EXOSC10: variants seen among roughly 807,000 people sequenced by gnomAD.
EXOSC10 encodes exosome complex component 10.
EXOSC10 carries 94 observed loss-of-function variants against 126.6 expected under a neutral mutation model. That is an observed-to-expected ratio of 0.74 (90% CI 0.63 to 0.88). EXOSC10 has a LOEUF of 0.88. Among genes scored for constraint, EXOSC10 ranks in the 40% least tolerant of loss-of-function variants. The probability of loss-of-function intolerance (pLI) is 0.00; values close to 1 mark genes in which losing one functional copy is unlikely to be tolerated. For synonymous variants in EXOSC10, 395 were observed against 400.8 expected, an observed-to-expected ratio of 0.99 and a Z score of 0.17; for missense variants, 1,041 against 1,100.5, an observed-to-expected ratio of 0.95 and a Z score of 0.77.
intron 1 of EXOSC10, 77 bp from the exon 2 acceptor site, chr1:11,098,233 G>A (rs1484408016): frequency 1.6e-5 from 23 of 1,475,298 alleles, no homozygotes; most frequent in Admixed American, 1.4e-4. Flanking sequence ...TTGATCTATC[G>A]TATACAAGGT....
intron 17 of EXOSC10, among the ~76,000 whole-genome samples, chr1:11,076,589 C>T (rs191575932): frequency 6.6e-5 from 10 of 152,300 alleles, no homozygotes; most frequent in Non-Finnish European, 1.5e-4. Context: ...AACAACAGGA[C>T]GTCAGCCTTT....
chr1:11,086,672 A>G (rs1196680613), intron 9 of EXOSC10, among the ~76,000 whole-genome samples: 1 of 152,184 alleles, frequency 6.6e-6, no homozygotes, highest in African/African-American at 2.4e-5. Flanking sequence ...AACTCACTCA[A>G]AACCGCTCAA....
At position 11,072,071 on chromosome 1, in the gene EXOSC10, AG is replaced by A. The variant is rs757117795; in HGVS notation, c.2242+15del. ...TTCTTTAACAGCCGACTGAGTTGCA[AG>A]GAAGTGAGTGTTACCTGTTTGCTCA... On this transcript the variant is annotated intron_variant, in intron 20 of 24. Coordinates refer to ENST00000376936, the MANE Select transcript of EXOSC10 (RefSeq NM_001001998.3). 2.5e-6 allele frequency: 4 copies of A among 1,602,838 alleles called. No individual in the cohort carries two copies. The highest frequency in any genetic ancestry group is 3.4e-6 in the Non-Finnish European group (4 of 1,173,262).
At chr1:11,091,383 G>C in intron 4 of EXOSC10, 110 bp downstream of exon 4, 1 of 1,028,724 alleles carries the variant, frequency 9.7e-7, no homozygotes, top group Non-Finnish European at 1.4e-6. Context: ...AACTAAAGGA[G>C]ACAGTGGCCA....
intron 3 of EXOSC10, among the ~76,000 whole-genome samples, chr1:11,093,402 C>T (rs2100229235): frequency 6.6e-6 from 1 of 152,276 alleles, no homozygotes; most frequent in Admixed American, 6.5e-5. Flanking sequence ...CTAACAGAGG[C>T]ACAACCAGGT....
In EXOSC10 at chr1:11,098,175, G is replaced by A; in HGVS notation, c.112-19C>T. On this transcript the variant is annotated intron_variant, in intron 1 of 24. Coordinates refer to ENST00000376936, the MANE Select transcript of EXOSC10 (RefSeq NM_001001998.3). ...GAGCAAACTGTCAAAAACAAGAAAA[G>A]ATGGCATGTTTACACAGGGATCCCC... 2 of 1,588,656 alleles carry A rather than the reference G, an allele frequency of 1.3e-6. No individual in the cohort carries two copies. Among genetic ancestry groups the A allele is most frequent in the Non-Finnish European group, 1.7e-6 (2 of 1,172,216 alleles).
At chr1:11,093,977 G>C (rs2100230933) in intron 3 of EXOSC10, among the ~76,000 whole-genome samples, 1 of 152,236 alleles carries the variant, frequency 6.6e-6, no homozygotes, top group South Asian at 2.1e-4. Flanking sequence ...CTACTTGGGA[G>C]GCTGTGGTGG....
At position 11,078,264 on chromosome 1, in the gene EXOSC10, CT is replaced by C. The variant is rs1220119181; in HGVS notation, c.1750-614del. On this transcript the variant is annotated intron_variant, in intron 14 of 24. Coordinates refer to ENST00000376936, the MANE Select transcript of EXOSC10 (RefSeq NM_001001998.3). ...TGGGTGTCAGAGCAAGACCCTGTTT[CT>C]TTTTTTTTTTGAGACGGAGTCTCGC... 2.0e-3 allele frequency among the ~76,000 whole-genome samples: 294 copies of C among 143,572 alleles called. 7 individuals carry two copies. The highest frequency in any genetic ancestry group is 5.0e-3 in the South Asian group (22 of 4,378). The allele number at this position is 143,572 out of a possible 152,430, so 94.2% of individuals were successfully genotyped here. A position where few individuals can be genotyped will look rare whatever the true frequency, so the allele number is the denominator to read the frequency against.
At chr1:11,075,710 G>A (rs1409984176) in intron 17 of EXOSC10, among the ~76,000 whole-genome samples, 1 of 151,998 alleles carries the variant, frequency 6.6e-6, no homozygotes, top group East Asian at 1.9e-4. Flanking sequence ...AATTGGCTGG[G>A]CATGGTGGCA....
chr1:11,084,922 A>G lies in EXOSC10; in HGVS notation c.1090-2044T>C, dbSNP rs575026383. Among the ~76,000 whole-genome samples, 5 of 152,270 alleles carry G rather than the reference A, an allele frequency of 3.3e-5. No homozygotes were observed. The East Asian group carries it at 9.6e-4, about 29-fold the overall frequency. ...TGCTTGTTTTTTGTCAGGTTTGTCA[A>G]AGATCAGATAGTTGTAGATATATGG... On this transcript the variant is annotated intron_variant, in intron 9 of 24. Coordinates refer to ENST00000376936, the MANE Select transcript of EXOSC10 (RefSeq NM_001001998.3).
intron 13 of EXOSC10, among the ~76,000 whole-genome samples, chr1:11,080,282 G>A (rs917758521): frequency 2.6e-5 from 4 of 152,060 alleles, no homozygotes; most frequent in Admixed American, 1.3e-4. Context: ...TCAAACTAAG[G>A]CATAATCATT....
intron 10 of EXOSC10, among the ~76,000 whole-genome samples, chr1:11,081,935 A>C (rs1050645623): frequency 6.6e-6 from 1 of 152,028 alleles, no homozygotes; most frequent in African/African-American, 2.4e-5. Context: ...ATACAAAATT[A>C]GCTGGGCGTG....
At position 11,081,210 on chromosome 1, in the gene EXOSC10, C is replaced by T. The variant is rs759802571; in HGVS notation, c.1309G>A (p.Ala437Thr). Residue 437 changes from alanine to threonine, a missense_variant, in exon 11 of 25, where the codon GCC (alanine) becomes ACC (threonine). Around this residue, in one of 3 missense-constraint regions of EXOSC10, gnomAD observed 645 missense variants for 656.3 expected, o/e 0.98. Coordinates refer to ENST00000376936, the MANE Select transcript of EXOSC10 (RefSeq NM_001001998.3). ...AGCAGGTAATGGGTGTCATCCCGGG[C>T]GTAGCTGAGCATCTCCTCGGGCAGA... Reference protein sequence around the residue: ...RPLPEEMLSYARDDTHYLLYI... With the variant: ...RPLPEEMLSYTRDDTHYLLYI... The T allele has an allele frequency of 4.3e-6, 7 of 1,614,036 alleles. No homozygotes were observed. The highest frequency in any genetic ancestry group is 5.1e-6 in the Non-Finnish European group (6 of 1,180,040).
intron 3 of EXOSC10, among the ~76,000 whole-genome samples, chr1:11,094,522 C>A (rs1256016147): frequency 6.6e-6 from 1 of 151,628 alleles, no homozygotes. Flanking sequence ...TCCTGAACCC[C>A]TGACCTCAGG....
intron 17 of EXOSC10, among the ~76,000 whole-genome samples, chr1:11,076,361 C>A (rs1158825716): frequency 2.6e-5 from 4 of 151,720 alleles, no homozygotes; most frequent in African/African-American, 4.8e-5. Flanking sequence ...AAAAAAAAAT[C>A]ATTTCTCTTC....
rs1057503906 is a variant in EXOSC10 at position 11,073,647 on chromosome 1, T to C, written c.2157+287A>G. Reference sequence around the variant, plus strand: ...GCTCACGTCTGTAGTCCCAGCACTTTGGGAGGCCAAGGCGGGTGGATCACC... The same window carrying C: ...GCTCACGTCTGTAGTCCCAGCACTTCGGGAGGCCAAGGCGGGTGGATCACC... On this transcript the variant is annotated intron_variant, in intron 19 of 24. Coordinates refer to ENST00000376936, the MANE Select transcript of EXOSC10 (RefSeq NM_001001998.3). Among the ~76,000 whole-genome samples, 8 of 151,582 alleles carry C rather than the reference T, an allele frequency of 5.3e-5. 1 individual carries two copies. The highest frequency in any genetic ancestry group is 4.6e-4 in the Admixed American group (7 of 15,240).
intron 17 of EXOSC10, among the ~76,000 whole-genome samples, chr1:11,074,622 A>G (rs189399454): frequency 1.3e-5 from 2 of 152,306 alleles, no homozygotes; most frequent in Admixed American, 1.3e-4. Flanking sequence ...CATATTGGCC[A>G]GGCTGGTCTT....
chr1:11,080,781 C>G lies in EXOSC10; in HGVS notation c.1569G>C (p.Arg523Ser). The change falls in exon 12 of 25, where the codon AGG (arginine) becomes AGC (serine). Residue 523 changes from arginine to serine, a missense_variant. By Grantham distance (110) the Arg-to-Ser change is moderately radical. This residue lies in a region of EXOSC10 where 645 missense variants were observed against 656.3 expected (regional missense o/e 0.98). Coordinates refer to ENST00000376936, the MANE Select transcript of EXOSC10 (RefSeq NM_001001998.3). ...LFAWRDKTAR[R>S]EDESYGYVLP... Reference sequence around the variant, plus strand: ...TCCCTTACCCGTAACTTTCATCTTCCCTGCGAGCTGTTTTATCCCTCCAGG... The same window carrying G: ...TCCCTTACCCGTAACTTTCATCTTCGCTGCGAGCTGTTTTATCCCTCCAGG... 6.2e-7 allele frequency: 1 copy of G among 1,614,110 alleles called. No homozygotes were observed.
At position 11,082,790 on chromosome 1, in the gene EXOSC10, G is replaced by A; in HGVS notation, c.1178C>T (p.Ala393Val). 6.2e-7 allele frequency: 1 copy of A among 1,614,168 alleles called. No homozygotes were observed. The highest frequency in any genetic ancestry group is 1.6e-4 in the Middle Eastern group (1 of 6,062). ...VVNMFDTHQA[A>V]RLLNLGRHSL... ...GTGCCTGCCCAGGTTAAGAAGGCGT[G>A]CTGCCTGATGAGTATCAAACATGTT... The change falls in exon 10 of 25, where the codon GCA becomes GTA. Residue 393 changes from alanine (A) to valine (V), a missense_variant. By Grantham distance (64) the Ala-to-Val change is moderately conservative. This residue lies in a region of EXOSC10 where 645 missense variants were observed against 656.3 expected (regional missense o/e 0.98). Coordinates refer to ENST00000376936, the MANE Select transcript of EXOSC10 (RefSeq NM_001001998.3).
Sources: gnomAD v4.1 joint callset for allele counts (sites outside exome capture counted in the v4.1 genomes callset) on GRCh38, gnomAD v4.1.1 for gene constraint, gnomAD v4.1.1 regional missense constraint, MANE v1.5 for transcripts, NCBI Gene and HGNC (gene_info 2026-07-23, HGNC 2026-07-21) for gene names.